The following KIRREL3 variants were observed in gnomAD, a reference collection of about 807,000 sequenced individuals.
The protein encoded by KIRREL3 is kirre like nephrin family adhesion molecule 3.
In KIRREL3, 36 loss-of-function variants were observed where a neutral mutation model predicts 89.7. The observed-to-expected ratio is 0.40, with a 90% CI of 0.31 to 0.53. The LOEUF (loss-of-function observed/expected upper bound fraction) is 0.53, where lower values mean the gene tolerates loss of function less well. Among genes scored for constraint, KIRREL3 ranks in the 20% least tolerant of loss-of-function variants. The pLI, the probability that KIRREL3 is intolerant of heterozygous loss-of-function variation, is 0.49. For missense variants in KIRREL3, 864 were observed against 1,056.6 expected (o/e 0.82, Z 2.53); for synonymous variants, 445 against 441.4 (o/e 1.01, Z -0.10).
In KIRREL3 at chr11:126,501,979, G is replaced by GCAGGAAAA. The variant is rs537453065; in HGVS notation, c.433+19335_433+19336insTTTTCCTG. ...GCAGCCATTACATAATTGTTTGCAA[G>GCAGGAAAA]CAGGCAAACAGGCATAAACTGACCA... On this transcript the variant is annotated intron_variant, in intron 4 of 16. Transcript: ENST00000525144. This position sits in a 1 kb window ranked among gnomAD's most constrained non-coding sequence, Gnocchi z 5.8. Among the ~76,000 whole-genome samples, 67 of 152,338 alleles carry GCAGGAAAA rather than the reference G, an allele frequency of 4.4e-4. No individual in the cohort carries two copies. In the East Asian group the frequency reaches 0.01, roughly 23 times the overall value.
chr11:126,848,590 A>G (rs541862166), intron 1 of KIRREL3, among the ~76,000 whole-genome samples: 9 of 152,330 alleles, frequency 5.9e-5, no homozygotes, highest in African/African-American at 1.2e-4. Context: ...TAGCAACTCT[A>G]TATCAGCTTG....
At position 126,686,041 on chromosome 11, in the gene KIRREL3, C is replaced by G. The variant is rs1355714231; in HGVS notation, c.56-123129G>C. Reference sequence around the variant, plus strand: ...CTGAGGAAAGGATTGAAAGGATTGTCTACTCTGGCTCTGTGGGCACTGTTC... The same window carrying G: ...CTGAGGAAAGGATTGAAAGGATTGTGTACTCTGGCTCTGTGGGCACTGTTC... On this transcript the variant is annotated intron_variant, in intron 1 of 16. Transcript: ENST00000525144. This position sits in a 1 kb window ranked among gnomAD's most constrained non-coding sequence, Gnocchi z 4.7. Among the ~76,000 whole-genome samples the G allele has an allele frequency of 2.0e-5, 3 of 152,226 alleles. No homozygotes were observed. Among genetic ancestry groups the G allele is most frequent in the Non-Finnish European group, 4.4e-5 (3 of 68,040 alleles).
At position 126,523,721 on chromosome 11, in the gene KIRREL3, G is replaced by T. The variant is rs547742992; in HGVS notation, c.284-2257C>A. Among the ~76,000 whole-genome samples, 2 of 152,150 alleles carry T rather than the reference G, an allele frequency of 1.3e-5. No individual in the cohort carries two copies. The highest frequency in any genetic ancestry group is 6.5e-5 in the Admixed American group (1 of 15,280). On this transcript the variant is annotated intron_variant, in intron 3 of 16. Transcript: ENST00000525144. This position sits in a 1 kb window ranked among gnomAD's most constrained non-coding sequence, Gnocchi z 4.9. Reference sequence around the variant, plus strand: ...CTAGCCCAATCCTCTCCCTGCTGCCGCTGCCTTCCTTGTAGCTGGCTGGCT... The same window carrying T: ...CTAGCCCAATCCTCTCCCTGCTGCCTCTGCCTTCCTTGTAGCTGGCTGGCT...
In KIRREL3 at chr11:126,656,840, C is replaced by T. The variant is rs1050262836; in HGVS notation, c.56-93928G>A. Among the ~76,000 whole-genome samples the T allele has an allele frequency of 9.2e-5, 14 of 152,212 alleles. No individual in the cohort carries two copies. The East Asian group carries it at 2.5e-3, about 27-fold the overall frequency. The stretch of plus-strand genomic sequence containing the variant: ...GCCAAGGTGTGTGCATCGCTTGGGG[C>T]TGGGAGTCCCAGACCAGCCTGGCTG... On this transcript the variant is annotated intron_variant, in intron 1 of 16. Transcript: ENST00000525144. The surrounding 1 kb of genome is among the most constrained non-coding windows in gnomAD (Gnocchi z 4.0).
rs1301339088 is a variant in KIRREL3 at position 126,474,206 on chromosome 11, C to T, written c.434-740G>A. On this transcript the variant is annotated intron_variant, in intron 4 of 16. Transcript: ENST00000525144. The surrounding 1 kb of genome is among the most constrained non-coding windows in gnomAD (Gnocchi z 6.7). Reference sequence around the variant, plus strand: ...TCAGGTAATCCACCCGCCTCAGGCTCCCAAAGTGCTGGGATTACAGGCGTG... The same window carrying T: ...TCAGGTAATCCACCCGCCTCAGGCTTCCAAAGTGCTGGGATTACAGGCGTG... Among the ~76,000 whole-genome samples, 1 of 152,228 alleles carries T rather than the reference C, an allele frequency of 6.6e-6. No individual in the cohort carries two copies. The highest frequency in any genetic ancestry group is 1.5e-5 in the Non-Finnish European group (1 of 68,028).
In KIRREL3 at chr11:126,656,046, C is replaced by T; in HGVS notation, c.56-93134G>A. On this transcript the variant is annotated intron_variant, in intron 1 of 16. Transcript: ENST00000525144. This position sits in a 1 kb window ranked among gnomAD's most constrained non-coding sequence, Gnocchi z 4.0. ...AAGTGTGTGGAAATGGGAACCTGAG[C>T]CAGGAGAGTCCTGTGGATTCACTAG... 1 of 424,942 alleles carries T rather than the reference C, an allele frequency of 2.4e-6. No individual in the cohort carries two copies. Among genetic ancestry groups the T allele is most frequent in the Middle Eastern group, 3.5e-4 (1 of 2,866 alleles). 26.3% of individuals were successfully genotyped at this position (424,942 alleles called of 1,614,324 possible).
chr11:126,919,264 G>T (rs1947173171), intron 1 of KIRREL3, among the ~76,000 whole-genome samples: 1 of 152,102 alleles, frequency 6.6e-6, no homozygotes, highest in South Asian at 2.1e-4. Flanking sequence ...TAATGTCTTT[G>T]CCCCTAAGAC....
Position 126,943,362 on chromosome 11 carries a change from A to T in KIRREL3, c.55+57093T>A, listed in dbSNP as rs1474458796. On this transcript the variant is annotated intron_variant, in intron 1 of 16. Coordinates refer to ENST00000525144, the MANE Select transcript of KIRREL3 (RefSeq NM_032531.4). The surrounding 1 kb of genome is among the most constrained non-coding windows in gnomAD (Gnocchi z 4.2). ...ACGCCTTACTCCTGGAACTAATCACAGCATTTCTCTACCCTCCTCGGAACA... is the reference window on the plus strand; with the variant it reads ...ACGCCTTACTCCTGGAACTAATCACTGCATTTCTCTACCCTCCTCGGAACA... Among the ~76,000 whole-genome samples the T allele has an allele frequency of 6.6e-6, 1 of 152,182 alleles. No homozygotes were observed. Among genetic ancestry groups the T allele is most frequent in the Non-Finnish European group, 1.5e-5 (1 of 68,046 alleles).
chr11:126,503,945 G>C (rs1957943103), intron 4 of KIRREL3, among the ~76,000 whole-genome samples: 1 of 151,968 alleles, frequency 6.6e-6, no homozygotes, highest in Non-Finnish European at 1.5e-5. Flanking sequence ...AGAAATAAAT[G>C]CTTGTTGTTT....
In KIRREL3 at chr11:126,808,747, T is replaced by C. The variant is rs1029829257; in HGVS notation, c.55+191708A>G. ...GCTTTCCAATTTCCACATGCATATA[T>C]AGAATGAATTGTTGAGACGGAGAAT... On this transcript the variant is annotated intron_variant, in intron 1 of 16. Coordinates refer to ENST00000525144, the MANE Select transcript of KIRREL3 (RefSeq NM_032531.4). The surrounding 1 kb of genome is among the most constrained non-coding windows in gnomAD (Gnocchi z 4.1). Among the ~76,000 whole-genome samples, 2 of 152,200 alleles carry C rather than the reference T, an allele frequency of 1.3e-5. No individual in the cohort carries two copies. Among genetic ancestry groups the C allele is most frequent in the African/African-American group, 4.8e-5 (2 of 41,454 alleles).
At position 126,909,794 on chromosome 11, in the gene KIRREL3, TA is replaced by T. The variant is rs1946740175; in HGVS notation, c.55+90660del. ...GCATGAGGCTGAAGCACCGCCATTA[TA>T]AAAAACTTGGTTAAAATATGGATTA... On this transcript the variant is annotated intron_variant, in intron 1 of 16. Coordinates refer to ENST00000525144, the MANE Select transcript of KIRREL3 (RefSeq NM_032531.4). The surrounding 1 kb of genome is among the most constrained non-coding windows in gnomAD (Gnocchi z 4.5). Among the ~76,000 whole-genome samples the T allele has an allele frequency of 1.3e-5, 2 of 152,158 alleles. No individual in the cohort carries two copies. The highest frequency in any genetic ancestry group is 4.8e-5 in the African/African-American group (2 of 41,446).
At position 126,568,897 on chromosome 11, in the gene KIRREL3, T is replaced by C. The variant is rs549176334; in HGVS notation, c.56-5985A>G. ...AGGTGGAGTGAGCTCTCCAGGGTGATATAATGAGCTATTAGGTTGCATACT... is the reference window on the plus strand; with the variant it reads ...AGGTGGAGTGAGCTCTCCAGGGTGACATAATGAGCTATTAGGTTGCATACT... On this transcript the variant is annotated intron_variant, in intron 1 of 16. Transcript: ENST00000525144. This position sits in a 1 kb window ranked among gnomAD's most constrained non-coding sequence, Gnocchi z 4.6. 6.6e-6 allele frequency among the ~76,000 whole-genome samples: 1 copy of C among 152,072 alleles called. No homozygotes were observed. The highest frequency in any genetic ancestry group is 2.1e-4 in the South Asian group (1 of 4,808).
At chr11:126,884,326 C>T (rs1486178623) in intron 1 of KIRREL3, among the ~76,000 whole-genome samples, 1 of 152,166 alleles carries the variant, frequency 6.6e-6, no homozygotes, top group Admixed American at 6.5e-5. Flanking sequence ...GTGTGCCAAT[C>T]GATGGGCCTC....
rs67723511 is a variant in KIRREL3 at position 126,541,511 on chromosome 11, T to C, written c.134-14824A>G. ...GGGCTCAGATCTATATCCTAAACAT[T>C]AAAAAAAGTAAACAAAATAATCATT... On this transcript the variant is annotated intron_variant, in intron 2 of 16. Coordinates refer to ENST00000525144, the MANE Select transcript of KIRREL3 (RefSeq NM_032531.4). The surrounding 1 kb of genome is among the most constrained non-coding windows in gnomAD (Gnocchi z 4.8). Among the ~76,000 whole-genome samples the C allele has an allele frequency of 0.19, 29,338 of 151,946 alleles. 3,065 individuals carry two copies. The highest frequency in any genetic ancestry group is 0.25 in the Middle Eastern group (73 of 294).
At chr11:126,536,387 C>T (rs1937879300) in intron 2 of KIRREL3, among the ~76,000 whole-genome samples, 1 of 152,142 alleles carries the variant, frequency 6.6e-6, no homozygotes, top group Non-Finnish European at 1.5e-5. Flanking sequence ...ACTGCCAACC[C>T]TAAATCTTCT....
chr11:127,001,714 CTTAATA>C (rs1555119669), upstream of KIRREL3, among the ~76,000 whole-genome samples: 3 of 151,986 alleles, frequency 2.0e-5, no homozygotes, highest in Non-Finnish European at 4.4e-5. Context: ...GGTCTATTTA[CTTAATA>C]GACATTTAGG....
intron 1 of KIRREL3, among the ~76,000 whole-genome samples, chr11:126,951,765 C>G (rs1948779912): frequency 6.6e-6 from 1 of 152,132 alleles, no homozygotes; most frequent in African/African-American, 2.4e-5. Flanking sequence ...GAAAGAGAAC[C>G]AAGCCTTTGA....
rs1019380921 is a variant in KIRREL3 at position 126,575,327 on chromosome 11, T to C, written c.56-12415A>G. Among the ~76,000 whole-genome samples the C allele has an allele frequency of 3.9e-5, 6 of 152,100 alleles. No individual in the cohort carries two copies. Among genetic ancestry groups the C allele is most frequent in the Non-Finnish European group, 7.4e-5 (5 of 68,012 alleles). ...CAGCCCTGGGGCCTTCTCACAGTAGTGTGGGTGTCACAACCACCTCTTAGC... is the reference window on the plus strand; with the variant it reads ...CAGCCCTGGGGCCTTCTCACAGTAGCGTGGGTGTCACAACCACCTCTTAGC... On this transcript the variant is annotated intron_variant, in intron 1 of 16. Transcript: ENST00000525144. The surrounding 1 kb of genome is among the most constrained non-coding windows in gnomAD (Gnocchi z 7.0).
At chr11:126,849,833 C>A (rs1025745753) in intron 1 of KIRREL3, among the ~76,000 whole-genome samples, 1 of 152,126 alleles carries the variant, frequency 6.6e-6, no homozygotes, top group Admixed American at 6.6e-5. Context: ...CCTGGACGCA[C>A]GTTCACCATG....
Sources: allele counts gnomAD v4.1 joint callset (sites outside exome capture counted in the v4.1 genomes callset), GRCh38; gene constraint gnomAD v4.1.1; non-coding constraint Gnocchi (gnomAD v3.1); transcripts MANE v1.5; gene names NCBI Gene and HGNC (gene_info 2026-07-23, HGNC 2026-07-21).